PRPF39: variants seen among roughly 807,000 people sequenced by gnomAD.
The protein encoded by PRPF39 is pre-mRNA processing factor 39.
Under a neutral mutation model 82.1 loss-of-function variants are expected in PRPF39, and 27 were observed. The ratio of observed to expected loss-of-function variants is 0.33; its 90% CI spans 0.24 to 0.45. PRPF39 has a LOEUF of 0.45. PRPF39 is among the 20% of genes least tolerant of loss of function. The probability of loss-of-function intolerance (pLI) is 1.00; values close to 1 mark genes in which losing one functional copy is unlikely to be tolerated. For synonymous variants in PRPF39, 261 were observed against 256.4 expected (o/e 1.02, Z -0.17); for missense variants, 581 against 796.9 (o/e 0.73, Z 3.26).
At chr14:45,095,685 T>C in intron 2 of PRPF39, 122 bp downstream of exon 2, 7 of 1,249,626 alleles carry the variant, frequency 5.6e-6, no homozygotes, top group Non-Finnish European at 6.4e-6. Flanking sequence ...TGAAGTTGAA[T>C]AACATTAGGT....
In PRPF39 at chr14:45,110,359, G is replaced by A. The variant is rs867883127; in HGVS notation, c.1303+139G>A. 11 of 1,321,646 alleles carry A rather than the reference G, an allele frequency of 8.3e-6. No individual in the cohort carries two copies. Among genetic ancestry groups the A allele is most frequent in the Admixed American group, 2.5e-5 (1 of 39,820 alleles). 81.9% of individuals were successfully genotyped at this position (1,321,646 alleles called of 1,614,324 possible). ...TAAAGGGCCAGATAGTAAAAGCCAC[G>A]TGTTCTGACTTTCAGGCTTTGTAAG... On this transcript the variant is annotated intron_variant, in intron 9 of 13. Transcript: ENST00000355765. This position sits in a 1 kb window ranked among gnomAD's most constrained non-coding sequence, Gnocchi z 4.0.
In PRPF39 at chr14:45,114,784, C is replaced by A; in HGVS notation, c.1954-73C>A. 5 of 1,422,012 alleles carry A rather than the reference C, an allele frequency of 3.5e-6. 1 individual carries two copies. The South Asian group carries it at 3.7e-5, about 10-fold the overall frequency. 88.1% of individuals were successfully genotyped at this position (1,422,012 alleles called of 1,614,324 possible). ...TTGCTTGTTTTCTTAAACATAGCTG[C>A]TTTAATTATACTTTTACATATGGAA... On this transcript the variant is annotated intron_variant, in intron 13 of 13. Transcript: ENST00000355765.
rs111262011 is a variant in PRPF39, at chr14:45,110,437, T to G, written c.1304-112T>G. 8.6e-5 allele frequency: 108 copies of G among 1,258,304 alleles called. No individual in the cohort carries two copies. The East Asian group carries it at 2.7e-3, about 32-fold the overall frequency. 77.9% of individuals were successfully genotyped at this position (1,258,304 alleles called of 1,614,324 possible). On this transcript the variant is annotated intron_variant, in intron 9 of 13. Coordinates refer to ENST00000355765, the MANE Select transcript of PRPF39 (RefSeq NM_017922.4). This position sits in a 1 kb window ranked among gnomAD's most constrained non-coding sequence, Gnocchi z 4.0. ...CAGTGTGTAAATATGCATGGCTGTT[T>G]CCCATTATTAGTTGCTGGATTTAGC...
At chr14:45,086,854 T>G (rs867656771) in intron 1 of PRPF39, among the ~76,000 whole-genome samples, 7,807 of 149,778 alleles carry the variant, frequency 0.052, 479 homozygotes, top group African/African-American at 0.15. Context: ...CAGTTTTTTT[T>G]TTTTTTTTTT....
At chr14:45,104,924 G>T (rs1884480439) in intron 5 of PRPF39, among the ~76,000 whole-genome samples, 1 of 152,136 alleles carries the variant, frequency 6.6e-6, no homozygotes, top group South Asian at 2.1e-4. Context: ...TGTCTTCTCT[G>T]TGAAATTTTC....
At position 45,095,999 on chromosome 14, in the gene PRPF39, G is replaced by A. The variant is rs564739297; in HGVS notation, c.325-104G>A. ...GCCTGCATGTGGAGTTTTTAAGCCT[G>A]CCATTTATTATTATTTTTTTAGATA... On this transcript the variant is annotated intron_variant, in intron 2 of 13. Transcript: ENST00000355765. The A allele has an allele frequency of 7.4e-6, 8 of 1,083,954 alleles. No individual in the cohort carries two copies. The South Asian group carries it at 9.4e-5, about 13-fold the overall frequency. 67.1% of individuals were successfully genotyped at this position (1,083,954 alleles called of 1,614,324 possible).
intron 4 of PRPF39, among the ~76,000 whole-genome samples, chr14:45,097,315 T>G (rs1212507533): frequency 6.6e-6 from 1 of 152,098 alleles, no homozygotes. Context: ...TTTTTTTTAA[T>G]AATGTTTGGG....
chr14:45,112,332 A>G lies in PRPF39; in HGVS notation c.1587A>G (p.Leu529=), dbSNP rs1460354009. ...TTTTTACACAGGAGAACACAAAGTT[A>G]TACCTCAATTTACTTGAAATGGAAT... ...AIERDKENTK[L]YLNLLEMEYS... Residue 529 remains leucine, a synonymous_variant, in exon 11 of 14, where the codon TTA becomes TTG. Coordinates refer to ENST00000355765, the MANE Select transcript of PRPF39 (RefSeq NM_017922.4). The G allele has an allele frequency of 6.4e-7, 1 of 1,560,932 alleles. No individual in the cohort carries two copies.
chr14:45,098,504 G>A (rs1035295295), intron 4 of PRPF39, among the ~76,000 whole-genome samples: 2 of 150,372 alleles, frequency 1.3e-5, no homozygotes, highest in African/African-American at 4.9e-5. Context: ...TCATCATACT[G>A]TCTTTTCATT....
At chr14:45,114,311 C>G (rs1332823613) in intron 12 of PRPF39, 54 bp downstream of exon 12, 1 of 1,436,664 alleles carries the variant, frequency 7.0e-7, no homozygotes, top group Non-Finnish European at 9.6e-7. Flanking sequence ...GAAATGCCTT[C>G]AAAGACAAAT....
Position 45,114,954 on chromosome 14 carries a change from T to C in PRPF39, c.*41T>C. On this transcript the variant is annotated 3_prime_UTR_variant, in exon 14 of 14. Coordinates refer to ENST00000355765, the MANE Select transcript of PRPF39 (RefSeq NM_017922.4). The stretch of plus-strand genomic sequence containing the variant: ...TTTCAAATGCAGTGTGTGAAAAGTA[T>C]GAAATTATTATTTTTTTTAATGAGG... The C allele has an allele frequency of 1.3e-6, 2 of 1,489,328 alleles. No individual in the cohort carries two copies. Among genetic ancestry groups the C allele is most frequent in the East Asian group, 2.3e-5 (1 of 44,112 alleles). The allele number at this position is 1,489,328 out of a possible 1,614,324, so 92.3% of individuals were successfully genotyped here. A position where few individuals can be genotyped will look rare whatever the true frequency, so the allele number is the denominator to read the frequency against.
intron 1 of PRPF39, among the ~76,000 whole-genome samples, chr14:45,087,788 C>T (rs1020768881): frequency 4.0e-5 from 6 of 148,462 alleles, no homozygotes; most frequent in Non-Finnish European, 7.4e-5. Flanking sequence ...GGGATTTCAC[C>T]GTGTTAGACA....
intron 1 of PRPF39, among the ~76,000 whole-genome samples, chr14:45,085,652 G>GT (rs1241909582): frequency 6.6e-6 from 1 of 152,170 alleles, no homozygotes; most frequent in African/African-American, 2.4e-5. Context: ...GGAACACAGT[G>GT]TTTAATATGT....
intron 5 of PRPF39, among the ~76,000 whole-genome samples, chr14:45,106,748 T>C (rs1248929826): frequency 6.6e-6 from 1 of 152,098 alleles, no homozygotes; most frequent in East Asian, 1.9e-4. Flanking sequence ...TTAATAAAAA[T>C]AGATGAGAAC....
intron 4 of PRPF39, among the ~76,000 whole-genome samples, chr14:45,099,345 T>C (rs1884299186): frequency 6.6e-6 from 1 of 152,158 alleles, no homozygotes; most frequent in Non-Finnish European, 1.5e-5. Flanking sequence ...TACTGAGTTT[T>C]TCTTTTCTTC....
intron 1 of PRPF39, among the ~76,000 whole-genome samples, chr14:45,085,318 T>A (rs1319031447): frequency 6.6e-6 from 1 of 152,190 alleles, no homozygotes; most frequent in African/African-American, 2.4e-5. Context: ...GACTAGTACT[T>A]AGATTGTGAA....
rs187982700 is a variant in PRPF39 at position 45,104,164 on chromosome 14, A to G, written c.737+1468A>G. The stretch of plus-strand genomic sequence containing the variant: ...TCCTACAAATCTTTTTTATTTCTAA[A>G]TAAATATCCCACTAGGCTTTTATTT... On this transcript the variant is annotated intron_variant, in intron 5 of 13. Coordinates refer to ENST00000355765, the MANE Select transcript of PRPF39 (RefSeq NM_017922.4). 4.7e-4 allele frequency among the ~76,000 whole-genome samples: 71 copies of G among 152,286 alleles called. 2 individuals are homozygous for G. The highest frequency in any genetic ancestry group is 1.2e-4 in the Non-Finnish European group (8 of 67,996).
intron 5 of PRPF39, among the ~76,000 whole-genome samples, chr14:45,106,138 T>C (rs1488233091): frequency 6.6e-6 from 1 of 151,574 alleles, no homozygotes; most frequent in East Asian, 1.9e-4. Flanking sequence ...TCACCTGAGG[T>C]CAGGAGTTCG....
intron 5 of PRPF39, among the ~76,000 whole-genome samples, chr14:45,106,236 C>T (rs561289495): frequency 6.6e-6 from 1 of 152,152 alleles, no homozygotes; most frequent in East Asian, 1.9e-4. Context: ...GTAATCCCAG[C>T]TACTTGGGAG....
Sources: gnomAD v4.1 joint callset for allele counts (sites outside exome capture counted in the v4.1 genomes callset) on GRCh38, gnomAD v4.1.1 for gene constraint, Gnocchi (gnomAD v3.1) non-coding constraint, MANE v1.5 for transcripts, NCBI Gene and HGNC (gene_info 2026-07-23, HGNC 2026-07-21) for gene names.